GATB: variants seen among roughly 807,000 people sequenced by gnomAD.
The protein encoded by GATB is glutamyl-tRNA amidotransferase subunit B.
A neutral mutation model predicts 62.3 loss-of-function variants in GATB; 39 were observed. That is an observed-to-expected ratio of 0.63 (90% CI 0.48 to 0.82). The LOEUF (loss-of-function observed/expected upper bound fraction) is 0.82. GATB is among the 40% of genes least tolerant of loss of function. The pLI is 0.00. For synonymous variants in GATB, 276 were observed against 258.9 expected (o/e 1.07, Z -0.63); for missense variants, 670 against 684.0 (o/e 0.98, Z 0.23).
chr4:151,673,035 A>C (rs955471687), intron 11 of GATB, 139 bp from the exon 12 acceptor site: 4 of 1,051,322 alleles, frequency 3.8e-6, no homozygotes, highest in Non-Finnish European at 5.4e-6. Context: ...GCCTGGCCCA[A>C]AGGGAAAGGG....
intron 2 of GATB, among the ~76,000 whole-genome samples, chr4:151,736,098 T>C (rs752993530): frequency 1.4e-4 from 21 of 152,190 alleles, no homozygotes; most frequent in Admixed American, 2.6e-4. Flanking sequence ...AAATCAGCTC[T>C]AGAAAGAAAA....
chr4:151,691,629 C>G (rs1290834489), intron 9 of GATB: 3 of 152,292 alleles, frequency 2.0e-5, no homozygotes, highest in Non-Finnish European at 4.4e-5. Flanking sequence ...TGGGAGCAAC[C>G]TGCCTCGAAG....
At chr4:151,701,115 C>T (rs1168607242) in intron 9 of GATB, among the ~76,000 whole-genome samples, 1 of 152,158 alleles carries the variant, frequency 6.6e-6, no homozygotes, top group Non-Finnish European at 1.5e-5. Flanking sequence ...CACAAGATTG[C>T]GTTTCATCTT....
intron 11 of GATB, chr4:151,677,781 A>C (rs901202734): frequency 6.6e-6 from 1 of 152,248 alleles, no homozygotes; most frequent in African/African-American, 2.4e-5. Flanking sequence ...TGTCCAGATA[A>C]AATAAAAATA....
chr4:151,754,575 C>T (rs937663682), intron 2 of GATB, among the ~76,000 whole-genome samples: 1 of 152,168 alleles, frequency 6.6e-6, no homozygotes, highest in Non-Finnish European at 1.5e-5. Context: ...TGAATGAAGA[C>T]ACAACCGACA....
intron 9 of GATB, among the ~76,000 whole-genome samples, chr4:151,696,020 A>G (rs1044935397): frequency 3.4e-5 from 5 of 148,208 alleles, no homozygotes; most frequent in Non-Finnish European, 7.4e-5. Context: ...GCCAAAAGTG[A>G]TCCTCTCACC....
chr4:151,742,128 G>A (rs768855282), intron 2 of GATB, among the ~76,000 whole-genome samples: 6 of 143,926 alleles, frequency 4.2e-5, no homozygotes, highest in East Asian at 4.0e-4. Flanking sequence ...TTGCTCTTTC[G>A]CCCAGGCCGG....
At chr4:151,686,145 C>T (rs186839637) in intron 10 of GATB, among the ~76,000 whole-genome samples, 1 of 152,114 alleles carries the variant, frequency 6.6e-6, no homozygotes, top group Non-Finnish European at 1.5e-5. Flanking sequence ...AGCACACCAC[C>T]CTGGCAAAGA....
intron 5 of GATB, among the ~76,000 whole-genome samples, chr4:151,710,911 T>C (rs569096338): frequency 4.6e-5 from 7 of 152,340 alleles, no homozygotes; most frequent in East Asian, 1.9e-4. Flanking sequence ...TGGTATCTAT[T>C]TGACACCTCC....
intron 2 of GATB, among the ~76,000 whole-genome samples, chr4:151,744,184 G>C (rs549440450): frequency 3.3e-5 from 5 of 152,286 alleles, no homozygotes; most frequent in Admixed American, 6.5e-5. Context: ...CCATAAAGAA[G>C]TTTAAAAAAT....
At chr4:151,746,536 T>C (rs1739597035) in intron 2 of GATB, among the ~76,000 whole-genome samples, 1 of 152,184 alleles carries the variant, frequency 6.6e-6, no homozygotes, top group Non-Finnish European at 1.5e-5. Flanking sequence ...GAGATTTTAC[T>C]AGGTCCAAAT....
At chr4:151,685,963 G>C (rs1738234653) in intron 10 of GATB, among the ~76,000 whole-genome samples, 2 of 152,178 alleles carry the variant, frequency 1.3e-5, no homozygotes, top group Non-Finnish European at 2.9e-5. Context: ...TGAGACTTGA[G>C]AATCACTTGA....
chr4:151,671,296 C>A lies in GATB; in HGVS notation c.1552G>T (p.Asp518Tyr). The stretch of plus-strand genomic sequence containing the variant: ...GCTCTGGGGTTTCTGTTCTTCACAT[C>A]CATTACCTAGAAGGACAGAAATTAC... ...VMEAHPQVVM[D>Y]VKNRNPRAIN... Residue 518 changes from aspartate (D) to tyrosine (Y), a missense_variant, in exon 13 of 13, where the codon GAT becomes TAT. By Grantham distance (160) the Asp-to-Tyr change is radical. Transcript: ENST00000263985. 6.2e-7 allele frequency: 1 copy of A among 1,600,352 alleles called. No individual in the cohort carries two copies. Among genetic ancestry groups the A allele is most frequent in the Non-Finnish European group, 8.5e-7 (1 of 1,177,512 alleles).
At chr4:151,749,322 A>C (rs924649288) in intron 2 of GATB, among the ~76,000 whole-genome samples, 2 of 152,192 alleles carry the variant, frequency 1.3e-5, no homozygotes, top group African/African-American at 4.8e-5. Flanking sequence ...ATGGAATACT[A>C]TGCAGCCATA....
intron 10 of GATB, among the ~76,000 whole-genome samples, chr4:151,686,546 C>T (rs1738249933): frequency 6.6e-6 from 1 of 151,852 alleles, no homozygotes; most frequent in African/African-American, 2.4e-5. Context: ...GCCTATGTGC[C>T]CCCAGAGAAC....
In GATB at chr4:151,703,886, C is replaced by T; in HGVS notation, c.972G>A (p.Met324Ile). Residue 324 changes from methionine (M) to isoleucine (I), a missense_variant, in exon 8 of 13, where the codon ATG becomes ATA. Transcript: ENST00000263985. ...GTTTTCCTTCTTTGTCTCTCATTGA[C>T]ATGGTGCACCTGCAATAGTTAAATA... ...RSFHHKLGCT[M>I]SMRDKEGKQD... 1 of 1,606,486 alleles carries T rather than the reference C, an allele frequency of 6.2e-7. No homozygotes were observed. The highest frequency in any genetic ancestry group is 8.5e-7 in the Non-Finnish European group (1 of 1,173,194).
In GATB at chr4:151,703,870, CTTT is replaced by C. The variant is rs1738655343; in HGVS notation, c.985_987del (p.Lys329del). 2 of 1,607,638 alleles carry C rather than the reference CTTT, an allele frequency of 1.2e-6. No homozygotes were observed. Among genetic ancestry groups the C allele is most frequent in the East Asian group, 4.5e-5 (2 of 44,854 alleles). On this transcript the variant is annotated inframe_deletion, in exon 8 of 13. Coordinates refer to ENST00000263985, the MANE Select transcript of GATB (RefSeq NM_004564.3). ...AACCACCTGTAGTCCTGTTTTCCTT[CTTT>C]GTCTCTCATTGACATGGTGCACCTG...
At chr4:151,722,266 C>T in intron 2 of GATB, 1 of 699,996 alleles carries the variant, frequency 1.4e-6, no homozygotes, top group Non-Finnish European at 2.6e-6. Flanking sequence ...TTTAGGGGTA[C>T]ATAGATAAAT....
chr4:151,720,721 T>A (rs556136788), intron 2 of GATB: 1 of 150,810 alleles, frequency 6.6e-6, no homozygotes, highest in South Asian at 2.1e-4. Flanking sequence ...ACCCAAAGAG[T>A]CTAAAACATT....
Sources: allele counts gnomAD v4.1 joint callset (sites outside exome capture counted in the v4.1 genomes callset), GRCh38; gene constraint gnomAD v4.1.1; transcripts MANE v1.5; gene names NCBI Gene and HGNC (gene_info 2026-07-23, HGNC 2026-07-21).